The following KATNA1 variants were observed in gnomAD, a reference collection of about 807,000 sequenced individuals.
The protein encoded by KATNA1 is katanin p60 ATPase-containing subunit A1.
In KATNA1, 42 loss-of-function variants were observed where a neutral mutation model predicts 62.6. That is an observed-to-expected ratio of 0.67 (90% confidence interval 0.52 to 0.87). The LOEUF is 0.87. Ranked by LOEUF, KATNA1 falls within the 40% of genes least tolerant of loss-of-function variation. The pLI is 0.00. For synonymous variants in KATNA1, 186 were observed against 201.9 expected, an observed-to-expected ratio of 0.92 and a Z score of 0.67; for missense variants, 498 against 612.5, an observed-to-expected ratio of 0.81 and a Z score of 1.97.
intron 1 of KATNA1, among the ~76,000 whole-genome samples, chr6:149,646,639 T>A (rs371196786): frequency 2.0e-4 from 31 of 152,250 alleles, no homozygotes; most frequent in African/African-American, 7.2e-4. Flanking sequence ...CACAAGAAAG[T>A]TACCACTATT....
intron 4 of KATNA1, among the ~76,000 whole-genome samples, chr6:149,605,232 G>A (rs896138843): frequency 6.6e-6 from 1 of 150,416 alleles, no homozygotes; most frequent in East Asian, 1.9e-4. Flanking sequence ...AAGACTCTAA[G>A]TCATCCTTCT....
rs767247493 is a variant in KATNA1, at chr6:149,601,738, G to A, written c.744C>T (p.Val248=). 8.0e-5 allele frequency: 128 copies of A among 1,602,512 alleles called. No individual in the cohort carries two copies. Among genetic ancestry groups the A allele is most frequent in the Middle Eastern group, 1.7e-4 (1 of 6,030 alleles). ...IRRPWKGVLM[V]GPPGTGKTLL... is the part of the protein sequence containing the mutation. ...GCGTCTTCCCCGTGCCAGGTGGGCC[G>A]ACCATCAGTACTCCCTGTTGCGAAT... Residue 248 remains valine (V), a synonymous_variant, in exon 7 of 11, where the codon GTC becomes GTT. Transcript: ENST00000367411.
intron 7 of KATNA1, among the ~76,000 whole-genome samples, chr6:149,600,778 A>T (rs1250670213): frequency 2.1e-5 from 3 of 145,426 alleles, no homozygotes; most frequent in African/African-American, 8.3e-5. Flanking sequence ...TGTAAAAAAA[A>T]AAAAAAAAAA....
At chr6:149,645,875 GTT>G (rs893372156) in intron 1 of KATNA1, among the ~76,000 whole-genome samples, 1 of 148,070 alleles carries the variant, frequency 6.8e-6, no homozygotes, top group South Asian at 2.1e-4. Flanking sequence ...CACAGAGAAA[GTT>G]TTTTTTTTTC....
intron 4 of KATNA1, among the ~76,000 whole-genome samples, chr6:149,615,781 C>T (rs990673392): frequency 1.3e-5 from 2 of 152,016 alleles, no homozygotes; most frequent in Non-Finnish European, 2.9e-5. Context: ...CTGGGCAACA[C>T]AGTCAGACCC....
In KATNA1 at chr6:149,603,389, T is replaced by C; in HGVS notation, c.624-16A>G. 1 of 1,255,812 alleles carries C rather than the reference T, an allele frequency of 8.0e-7. No individual in the cohort carries two copies. Among genetic ancestry groups the C allele is most frequent in the Non-Finnish European group, 1.2e-6 (1 of 860,576 alleles). The allele number at this position is 1,255,812 out of a possible 1,614,324, so 77.8% of individuals were successfully genotyped here. ...GATATCATCCCTGAAAGAGAAGACATTTTATTAACAACCCTTTAGATGATA... is the reference window on the plus strand; with the variant it reads ...GATATCATCCCTGAAAGAGAAGACACTTTATTAACAACCCTTTAGATGATA... On this transcript the variant is annotated splice_polypyrimidine_tract_variant and intron_variant, in intron 5 of 10. Transcript: ENST00000367411.
intron 4 of KATNA1, among the ~76,000 whole-genome samples, chr6:149,616,565 G>A (rs1779172906): frequency 6.6e-6 from 1 of 152,148 alleles, no homozygotes; most frequent in South Asian, 2.1e-4. Flanking sequence ...TTCAAGACCA[G>A]CCTGGCCAAC....
intron 3 of KATNA1, among the ~76,000 whole-genome samples, chr6:149,629,202 A>G (rs1329696120): frequency 2.0e-5 from 3 of 152,186 alleles, no homozygotes; most frequent in African/African-American, 7.2e-5. Flanking sequence ...GATCTTACCA[A>G]TAACTGAGAG....
intron 3 of KATNA1, among the ~76,000 whole-genome samples, chr6:149,626,992 A>G (rs1019513337): frequency 5.9e-5 from 9 of 151,828 alleles, no homozygotes; most frequent in Non-Finnish European, 8.8e-5. Context: ...TTAAAAAATA[A>G]TAATAATAAT....
chr6:149,598,049 A>G (rs758454210), intron 8 of KATNA1, 175 bp downstream of exon 8: 75 of 634,060 alleles, frequency 1.2e-4, no homozygotes, highest in Non-Finnish European at 1.8e-4. Context: ...CAGTGTACCA[A>G]ATCTATTACT....
chr6:149,625,058 C>A (rs1582789353), intron 3 of KATNA1, among the ~76,000 whole-genome samples: 1 of 152,014 alleles, frequency 6.6e-6, no homozygotes, highest in East Asian at 1.9e-4. Context: ...AGACACCAGT[C>A]TAACACATAA....
chr6:149,598,251 T>G lies in KATNA1; in HGVS notation c.988A>C (p.Lys330Gln). 1 of 1,614,052 alleles carries G rather than the reference T, an allele frequency of 6.2e-7. No individual in the cohort carries two copies. The highest frequency in any genetic ancestry group is 8.5e-7 in the Non-Finnish European group (1 of 1,180,014). The change falls in exon 8 of 11, where the codon AAA becomes CAA. Residue 330 changes from lysine (K) to glutamine (Q), a missense_variant. Coordinates refer to ENST00000367411, the MANE Select transcript of KATNA1 (RefSeq NM_007044.4). ...TCCATCTGAACCAGCAGCTCCGCTT[T>G]CACCCTTCTGCTTGCTTCATGTTCT... ...SEEHEASRRVKAELLVQMDGV... is the reference protein window; with the variant it reads ...SEEHEASRRVQAELLVQMDGV...
chr6:149,607,479 T>A (rs1778786939), intron 4 of KATNA1, among the ~76,000 whole-genome samples: 1 of 152,040 alleles, frequency 6.6e-6, no homozygotes, highest in Admixed American at 6.6e-5. Context: ...CTGGGCATAG[T>A]GGTACATGCC....
At chr6:149,616,850 T>C (rs1453127633) in intron 4 of KATNA1, among the ~76,000 whole-genome samples, 3 of 152,210 alleles carry the variant, frequency 2.0e-5, no homozygotes, top group Non-Finnish European at 4.4e-5. Context: ...GAGAAATATC[T>C]GTGCACTCAT....
intron 1 of KATNA1, among the ~76,000 whole-genome samples, chr6:149,640,556 TTTG>T (rs906986326): frequency 1.2e-4 from 18 of 152,054 alleles, no homozygotes; most frequent in African/African-American, 4.3e-4. Flanking sequence ...GGGTTTTGTT[TTTG>T]TTTTTTTGAG....
chr6:149,601,429 C>CT (rs1344615131), intron 7 of KATNA1, among the ~76,000 whole-genome samples, 165 bp downstream of exon 7: 3 of 152,128 alleles, frequency 2.0e-5, no homozygotes, highest in Non-Finnish European at 4.4e-5. Flanking sequence ...AAGAGAAACT[C>CT]TAATTATTCA....
intron 2 of KATNA1, among the ~76,000 whole-genome samples, chr6:149,636,180 C>A (rs1195894005): frequency 6.6e-6 from 1 of 151,806 alleles, no homozygotes; most frequent in African/African-American, 2.4e-5. Flanking sequence ...TCTTAAGTAC[C>A]TTTAAACAAA....
At chr6:149,635,173 G>C (rs1780022400) in intron 2 of KATNA1, among the ~76,000 whole-genome samples, 1 of 152,114 alleles carries the variant, frequency 6.6e-6, no homozygotes, top group Non-Finnish European at 1.5e-5. Flanking sequence ...AGCTACTCTG[G>C]AGGCTGGGTG....
At chr6:149,630,345 G>A (rs1420443282) in intron 3 of KATNA1, among the ~76,000 whole-genome samples, 1 of 152,198 alleles carries the variant, frequency 6.6e-6, no homozygotes, top group Non-Finnish European at 1.5e-5. Flanking sequence ...AATAAAAGTT[G>A]CGGCTGGGTG....
Sources: allele counts gnomAD v4.1 joint callset (sites outside exome capture counted in the v4.1 genomes callset), GRCh38; gene constraint gnomAD v4.1.1; transcripts MANE v1.5; gene names NCBI Gene and HGNC (gene_info 2026-07-23, HGNC 2026-07-21).